LPIN3: variants seen among roughly 807,000 people sequenced by gnomAD.
LPIN3 encodes the protein lipin 3.
Under a neutral mutation model 94.7 loss-of-function variants are expected in LPIN3, and 82 were observed. That is an observed-to-expected ratio of 0.87 (90% CI 0.72 to 1.04). The LOEUF (loss-of-function observed/expected upper bound fraction) is 1.04. Among genes scored for constraint, LPIN3 ranks in the 50% least tolerant of loss-of-function variants. The probability of loss-of-function intolerance (pLI) is 0.00; values close to 1 mark genes in which losing one functional copy is unlikely to be tolerated. For missense variants in LPIN3, 996 were observed against 1,090.5 expected (o/e 0.91, Z 1.22); for synonymous variants, 418 against 443.3 (o/e 0.94, Z 0.72).
intron 11 of LPIN3, among the ~76,000 whole-genome samples, chr20:41,353,635 T>C (rs2046103902): frequency 6.6e-6 from 1 of 152,192 alleles, no homozygotes; most frequent in Non-Finnish European, 1.5e-5. Flanking sequence ...CCAGAACCTC[T>C]TCCCTGGTCT....
intron 11 of LPIN3, among the ~76,000 whole-genome samples, chr20:41,354,013 C>A (rs1322097730): frequency 1.3e-5 from 2 of 152,186 alleles, no homozygotes; most frequent in African/African-American, 2.4e-5. Flanking sequence ...TGGCTATTCC[C>A]AGCCCAAGCC....
chr20:41,349,177 G>C lies in LPIN3; in HGVS notation c.638+5G>C. The C allele has an allele frequency of 6.2e-7, 1 of 1,613,702 alleles. No homozygotes were observed. Among genetic ancestry groups the C allele is most frequent in the South Asian group, 1.1e-5 (1 of 90,974 alleles). ...CGAGTGGCCCCCCCAGGCCAGGTAA[G>C]AGTCCAGGTGGGCTGCAGGCCAGGA... On this transcript the variant is annotated splice_donor_5th_base_variant and intron_variant, in intron 5 of 19. Transcript: ENST00000373257.
intron 16 of LPIN3, 132 bp from the exon 17 acceptor site, chr20:41,357,750 C>T: frequency 7.9e-7 from 1 of 1,259,772 alleles, no homozygotes; most frequent in East Asian, 2.4e-5. Flanking sequence ...TGGCCGTTCT[C>T]TTCAAGTCCC....
Position 41,357,062 on chromosome 20 carries a change from G to C in LPIN3, c.1826G>C (p.Gly609Ala). 6 of 1,613,744 alleles carry C rather than the reference G, an allele frequency of 3.7e-6. No individual in the cohort carries two copies. Among genetic ancestry groups the C allele is most frequent in the Non-Finnish European group, 5.1e-6 (6 of 1,179,674 alleles). The change falls in exon 15 of 20, where the codon GGT becomes GCT. Residue 609 changes from glycine (G) to alanine (A), a missense_variant. Physicochemically the swap from Gly to Ala is moderately conservative, Grantham distance 60. Coordinates refer to ENST00000373257, the MANE Select transcript of LPIN3 (RefSeq NM_022896.3). Reference protein sequence around the residue: ...DQIRRLNLQEGANDVVFSVTT... With the variant: ...DQIRRLNLQEAANDVVFSVTT... ...CAGCGGCGCCTGAACCTGCAAGAAGGTGCCAATGATGTGGTCTTCAGCGTG... is the reference window on the plus strand; with the variant it reads ...CAGCGGCGCCTGAACCTGCAAGAAGCTGCCAATGATGTGGTCTTCAGCGTG...
chr20:41,353,457 G>A (rs1415401197), intron 11 of LPIN3, among the ~76,000 whole-genome samples: 2 of 152,242 alleles, frequency 1.3e-5, no homozygotes, highest in African/African-American at 2.4e-5. Context: ...TGGGAAGGAT[G>A]GGTGTGCAGT....
chr20:41,356,102 G>A, intron 14 of LPIN3, 68 bp downstream of exon 14: 1 of 1,565,344 alleles, frequency 6.4e-7, no homozygotes, highest in Admixed American at 1.8e-5. Flanking sequence ...AGTCCCTCAG[G>A]ACCTGGCTGA....
At position 41,346,966 on chromosome 20, in the gene LPIN3, G is replaced by T. The variant is rs572516031; in HGVS notation, c.193-586G>T. On this transcript the variant is annotated intron_variant, in intron 2 of 19. Transcript: ENST00000373257. ...CTTGGGTTGTAGACTCAGCCTTTTT[G>T]GCTTCATAAGCTCACTTGCTGTGAG... 3.3e-5 allele frequency among the ~76,000 whole-genome samples: 5 copies of T among 152,176 alleles called. No homozygotes were observed. The South Asian group carries it at 1.0e-3, about 32-fold the overall frequency.
Position 41,349,165 on chromosome 20 carries a change from C to A in LPIN3, c.631C>A (p.Gln211Lys), listed in dbSNP as rs2045905823. The A allele has an allele frequency of 1.2e-6, 2 of 1,613,988 alleles. No homozygotes were observed. Among genetic ancestry groups the A allele is most frequent in the Admixed American group, 1.7e-5 (1 of 60,000 alleles). Residue 211 changes from glutamine (Q) to lysine (K), a missense_variant, in exon 5 of 20, where the codon CAG becomes AAG. By Grantham distance (53) the Gln-to-Lys change is moderately conservative. Transcript: ENST00000373257. ...YPYSDGEWPP[Q>K]ASLSAGELTS... ...CTACTCGGATGGCGAGTGGCCCCCC[C>A]AGGCCAGGTAAGAGTCCAGGTGGGC...
chr20:41,349,340 C>T (rs973802978), intron 5 of LPIN3, among the ~76,000 whole-genome samples, 168 bp downstream of exon 5: 7 of 152,124 alleles, frequency 4.6e-5, no homozygotes, highest in African/African-American at 1.7e-4. Flanking sequence ...TTTTAAATTG[C>T]GGTAAAATAT....
rs752218215 is a variant in LPIN3 at position 41,348,733 on chromosome 20, G to A, written c.403G>A (p.Gly135Ser). The A allele has an allele frequency of 1.4e-5, 23 of 1,613,858 alleles. No individual in the cohort carries two copies. In the Admixed American group the frequency reaches 3.8e-4, roughly 27 times the overall value. Residue 135 changes from glycine to serine, a missense_variant, in exon 4 of 20, where the codon GGC becomes AGC. Physicochemically the swap from Gly to Ser is moderately conservative, Grantham distance 56 (BLOSUM62 0). Coordinates refer to ENST00000373257, the MANE Select transcript of LPIN3 (RefSeq NM_022896.3). ...TGAGCCTGAGGGCCTCGTCATGGCA[G>A]GCACGGCCTCCACTGGGCGGAGGAA... ...ASEPEGLVMA[G>S]TASTGRRKRR...
At position 41,355,972 on chromosome 20, in the gene LPIN3, C is replaced by T. The variant is rs923477257; in HGVS notation, c.1741C>T (p.Pro581Ser). Residue 581 changes from proline to serine, a missense_variant, in exon 14 of 20, where the codon CCC becomes TCC. Physicochemically the swap from Pro to Ser is moderately conservative, Grantham distance 74. Coordinates refer to ENST00000373257, the MANE Select transcript of LPIN3 (RefSeq NM_022896.3). ...PVILEIPSLP[P>S]STPPSTPTYK... ...GATCCTGGAGATCCCCTCCTTGCCA[C>T]CCTCCACTCCACCCTCCACTCCTAC... 1 of 1,614,008 alleles carries T rather than the reference C, an allele frequency of 6.2e-7. No homozygotes were observed. The highest frequency in any genetic ancestry group is 8.5e-7 in the Non-Finnish European group (1 of 1,179,908).
intron 1 of LPIN3, among the ~76,000 whole-genome samples, chr20:41,343,907 T>C (rs1041797048): frequency 3.3e-5 from 5 of 151,894 alleles, no homozygotes; most frequent in African/African-American, 1.2e-4. Context: ...AAAAGAAATT[T>C]AAAAGTTAGC....
At chr20:41,344,062 A>C (rs2045681091) in intron 1 of LPIN3, among the ~76,000 whole-genome samples, 2 of 143,144 alleles carry the variant, frequency 1.4e-5, no homozygotes, top group South Asian at 4.3e-4. Context: ...ATCCTGTCTC[A>C]AAAAAAAAAA....
chr20:41,353,761 G>A (rs2046109507), intron 11 of LPIN3, among the ~76,000 whole-genome samples: 1 of 152,232 alleles, frequency 6.6e-6, no homozygotes, highest in African/African-American at 2.4e-5. Flanking sequence ...GACCTGGCAT[G>A]GCCTATTGTT....
rs779601412 is a variant in LPIN3 at position 41,349,177 on chromosome 20, G to T, written c.638+5G>T. 2.5e-6 allele frequency: 4 copies of T among 1,613,702 alleles called. No individual in the cohort carries two copies. Among genetic ancestry groups the T allele is most frequent in the South Asian group, 2.2e-5 (2 of 90,974 alleles). ...CGAGTGGCCCCCCCAGGCCAGGTAA[G>T]AGTCCAGGTGGGCTGCAGGCCAGGA... On this transcript the variant is annotated splice_donor_5th_base_variant and intron_variant, in intron 5 of 19. Coordinates refer to ENST00000373257, the MANE Select transcript of LPIN3 (RefSeq NM_022896.3).
Position 41,357,395 on chromosome 20 carries a change from G to A in LPIN3, c.1987G>A (p.Gly663Arg). 6.2e-7 allele frequency: 1 copy of A among 1,614,038 alleles called. No individual in the cohort carries two copies. The highest frequency in any genetic ancestry group is 8.5e-7 in the Non-Finnish European group (1 of 1,179,998). ...DALGHILPQL[G>R]KDWTHQGITS... is the part of the protein sequence containing the mutation. Reference sequence around the variant, plus strand: ...TCTGGGCCATATCCTGCCCCAGCTGGGGAAAGACTGGACACACCAGGGCAT... The same window carrying A: ...TCTGGGCCATATCCTGCCCCAGCTGAGGAAAGACTGGACACACCAGGGCAT... Residue 663 changes from glycine to arginine, a missense_variant, in exon 16 of 20, where the codon GGG (glycine) becomes AGG (arginine). Gly to Arg is a moderately radical substitution (Grantham distance 125, BLOSUM62 -2). Coordinates refer to ENST00000373257, the MANE Select transcript of LPIN3 (RefSeq NM_022896.3).
At chr20:41,346,964 T>G (rs2045801349) in intron 2 of LPIN3, among the ~76,000 whole-genome samples, 2 of 152,162 alleles carry the variant, frequency 1.3e-5, no homozygotes, top group African/African-American at 4.8e-5. Flanking sequence ...CTCAGCCTTT[T>G]TGGCTTCATA....
Position 41,349,818 on chromosome 20 carries a change from TG to T in LPIN3, c.685del (p.Glu229ArgfsTer10). On this transcript the variant is annotated frameshift_variant, in exon 6 of 20. Transcript: ENST00000373257. LOFTEE classifies it high-confidence loss of function. ...ELTSPKSDSE[L>X]EVRTPEPSPL... ...ACATCCCCTAAGAGCGACTCGGAGC[TG>T]GAGGTGCGGACCCCGGAGCCCAGTC... 1 of 1,613,676 alleles carries T rather than the reference TG, an allele frequency of 6.2e-7. No individual in the cohort carries two copies.
rs79219499 is a variant in LPIN3 at position 41,356,640 on chromosome 20, T to C, written c.1804-400T>C. 4.1e-3 allele frequency among the ~76,000 whole-genome samples: 617 copies of C among 152,248 alleles called. 7 individuals are homozygous for C. Among genetic ancestry groups the C allele is most frequent in the East Asian group, 0.015 (77 of 5,150 alleles). ...TAGGACAATGTTGACTCAGGTACCC[T>C]GGCCCCAAGGAGGGGCTTCCTATGG... On this transcript the variant is annotated intron_variant, in intron 14 of 19. Coordinates refer to ENST00000373257, the MANE Select transcript of LPIN3 (RefSeq NM_022896.3).
Sources: allele counts gnomAD v4.1 joint callset (sites outside exome capture counted in the v4.1 genomes callset), GRCh38; gene constraint gnomAD v4.1.1; transcripts MANE v1.5; gene names NCBI Gene and HGNC (gene_info 2026-07-23, HGNC 2026-07-21).